NRG1: variants seen among roughly 807,000 people sequenced by gnomAD.
The protein encoded by NRG1 is pro-neuregulin-1, membrane-bound isoform.
Under a neutral mutation model 63.8 loss-of-function variants are expected in NRG1, and 18 were observed. The observed-to-expected ratio is 0.28, with a 90% confidence interval of 0.19 to 0.42. The LOEUF is 0.42. Ranked by LOEUF, NRG1 falls within the 10% of genes least tolerant of loss-of-function variation. NRG1 has a pLI of 1.00. For synonymous variants in NRG1, 302 were observed against 301.3 expected (o/e 1.00, Z -0.02); for missense variants, 762 against 814.7 (o/e 0.94, Z 0.79).
intron 1 of NRG1, among the ~76,000 whole-genome samples, chr8:31,964,781 C>T (rs750108021): frequency 3.9e-5 from 6 of 152,160 alleles, no homozygotes; most frequent in South Asian, 2.1e-4. Flanking sequence ...GCTACGAGTT[C>T]GTTTTCTTTA....
At chr8:32,703,616 T>C (rs746164255) in intron 5 of NRG1, among the ~76,000 whole-genome samples, 3 of 152,098 alleles carry the variant, frequency 2.0e-5, no homozygotes, top group South Asian at 4.1e-4. Flanking sequence ...ATAGAACACA[T>C]TGGACTAGAA....
chr8:31,735,042 T>C (rs1814518048), intron 1 of NRG1, among the ~76,000 whole-genome samples: 2 of 152,118 alleles, frequency 1.3e-5, no homozygotes, highest in African/African-American at 2.4e-5. Flanking sequence ...AACTTGGTAA[T>C]GGCCTTCTGA....
intron 1 of NRG1, among the ~76,000 whole-genome samples, chr8:32,179,769 G>GATAC (rs1841229219): frequency 6.6e-6 from 1 of 152,156 alleles, no homozygotes; most frequent in South Asian, 2.1e-4. Context: ...TCCTTCCTTT[G>GATAC]AAGCATAAGT....
At chr8:32,128,071 C>A (rs867506484) in intron 1 of NRG1, among the ~76,000 whole-genome samples, 3 of 151,900 alleles carry the variant, frequency 2.0e-5, no homozygotes, top group Non-Finnish European at 4.4e-5. Flanking sequence ...TTCTCCAATC[C>A]CTGCTCTGCA....
intron 1 of NRG1, among the ~76,000 whole-genome samples, chr8:32,402,546 T>A (rs73250458): frequency 0.27 from 41,278 of 151,872 alleles, 5,853 homozygotes; most frequent in Middle Eastern, 0.34. Context: ...CAGCAGTTCC[T>A]CACTGTCTAT....
intron 1 of NRG1, among the ~76,000 whole-genome samples, chr8:32,065,308 T>C (rs1318250335): frequency 6.6e-6 from 1 of 152,140 alleles, no homozygotes; most frequent in African/African-American, 2.4e-5. Context: ...ACCCATTAAC[T>C]CATCATTTAA....
At chr8:32,056,468 AT>A (rs1822961266) in intron 1 of NRG1, among the ~76,000 whole-genome samples, 1 of 152,100 alleles carries the variant, frequency 6.6e-6, no homozygotes, top group African/African-American at 2.4e-5. Context: ...GACATAATTG[AT>A]TGGGCTTTTG....
chr8:31,811,236 G>A (rs1183119134), intron 1 of NRG1, among the ~76,000 whole-genome samples: 1 of 152,178 alleles, frequency 6.6e-6, no homozygotes, highest in Non-Finnish European at 1.5e-5. Flanking sequence ...GACTCCAAGT[G>A]TGGGGTGTCT....
chr8:31,786,240 A>T (rs1745246347), intron 1 of NRG1, among the ~76,000 whole-genome samples: 1 of 152,226 alleles, frequency 6.6e-6, no homozygotes, highest in Non-Finnish European at 1.5e-5. Context: ...TCCATGCTGC[A>T]TATGTGTGGC....
intron 1 of NRG1, among the ~76,000 whole-genome samples, chr8:32,070,031 A>G (rs16878732): frequency 0.55 from 83,508 of 152,204 alleles, 26,745 homozygotes; most frequent in Non-Finnish European, 0.71. Context: ...AATCTACTCA[A>G]ATAGTATCTT....
At chr8:31,677,757 A>G (rs771720499) in intron 1 of NRG1, among the ~76,000 whole-genome samples, 13 of 152,172 alleles carry the variant, frequency 8.5e-5, no homozygotes, top group Non-Finnish European at 1.2e-4. Context: ...CCTCAAATCC[A>G]CTAGAACTCC....
intron 5 of NRG1, chr8:32,648,187 T>G: frequency 1.9e-6 from 3 of 1,614,068 alleles, no homozygotes; most frequent in Non-Finnish European, 2.5e-6. Context: ...CAAGTTACAG[T>G]GCAAGGTGAC....
chr8:32,137,682 T>G (rs1835728183), intron 1 of NRG1, among the ~76,000 whole-genome samples: 1 of 152,122 alleles, frequency 6.6e-6, no homozygotes, highest in Non-Finnish European at 1.5e-5. Context: ...CCTCCTCTTC[T>G]CCACCTCCGC....
intron 5 of NRG1, among the ~76,000 whole-genome samples, chr8:32,697,715 G>A (rs907939141): frequency 3.9e-5 from 6 of 152,176 alleles, no homozygotes; most frequent in Non-Finnish European, 2.9e-5. Context: ...AAAAGACATG[G>A]TGATCACTTC....
At position 31,843,477 on chromosome 8, in the gene NRG1, T is replaced by A. The variant is rs528762773; in HGVS notation, c.37+204046T>A. Among the ~76,000 whole-genome samples the A allele has an allele frequency of 5.9e-5, 9 of 152,320 alleles. No individual in the cohort carries two copies. In the South Asian group the frequency reaches 1.9e-3, roughly 32 times the overall value. On this transcript the variant is annotated intron_variant, in intron 1 of 10. Transcript: ENST00000519301. The stretch of plus-strand genomic sequence containing the variant: ...GTGGCCTACTTCTCCTATAAGGCTG[T>A]CTTTTACAATGAGGGAAGTTGGCCT...
intron 1 of NRG1, among the ~76,000 whole-genome samples, chr8:31,641,517 C>T (rs967475900): frequency 3.9e-5 from 6 of 152,114 alleles, no homozygotes; most frequent in Non-Finnish European, 8.8e-5. Flanking sequence ...TCCCACTTAC[C>T]ACTGAAAAGT....
intron 1 of NRG1, among the ~76,000 whole-genome samples, chr8:31,644,716 GT>G (rs199936750): frequency 6.7e-5 from 10 of 150,168 alleles, no homozygotes; most frequent in Admixed American, 6.6e-5. Flanking sequence ...TTTTCTTCCT[GT>G]TTTTTTTTCT....
intron 1 of NRG1, among the ~76,000 whole-genome samples, chr8:32,582,966 A>G (rs933451255): frequency 1.3e-5 from 2 of 152,130 alleles, no homozygotes; most frequent in Admixed American, 6.6e-5. Flanking sequence ...GTATGATTCT[A>G]TAATGTTTAG....
chr8:32,394,621 T>C (rs1812208707), intron 1 of NRG1, among the ~76,000 whole-genome samples: 1 of 152,188 alleles, frequency 6.6e-6, no homozygotes, highest in Non-Finnish European at 1.5e-5. Context: ...TTCTAAATCC[T>C]CAAGGATCAC....
Sources: allele counts gnomAD v4.1 joint callset (sites outside exome capture counted in the v4.1 genomes callset), GRCh38; gene constraint gnomAD v4.1.1; transcripts MANE v1.5; gene names NCBI Gene and HGNC (gene_info 2026-07-23, HGNC 2026-07-21).